Variants in CLOCK observed in about 807,000 individuals in gnomAD.
CLOCK encodes circadian locomoter output cycles protein kaput.
In CLOCK, 43 loss-of-function variants were observed where a neutral mutation model predicts 118.4. The observed-to-expected ratio is 0.36, with a 90% CI of 0.28 to 0.47. The LOEUF (loss-of-function observed/expected upper bound fraction) is 0.47, where lower values mean the gene tolerates loss of function less well. Ranked by LOEUF, CLOCK falls within the 20% of genes least tolerant of loss-of-function variation. The pLI, the probability that CLOCK is intolerant of heterozygous loss-of-function variation, is 1.00. For synonymous variants in CLOCK, 326 were observed against 339.2 expected, an observed-to-expected ratio of 0.96 and a Z score of 0.43; for missense variants, 846 against 999.9, an observed-to-expected ratio of 0.85 and a Z score of 2.08.
chr4:55,475,029 T>C (rs1726407629), intron 7 of CLOCK, among the ~76,000 whole-genome samples: 1 of 152,206 alleles, frequency 6.6e-6, no homozygotes, highest in Non-Finnish European at 1.5e-5. Context: ...CCATAGATAG[T>C]GATTCATGTG....
chr4:55,486,759 T>C (rs1253385136), intron 3 of CLOCK, among the ~76,000 whole-genome samples: 3 of 152,218 alleles, frequency 2.0e-5, no homozygotes, highest in African/African-American at 7.2e-5. Flanking sequence ...CCTTTAGATG[T>C]GACCTGTTAT....
At position 55,432,670 on chromosome 4, in the gene CLOCK, G is replaced by A. The variant is rs774749443; in HGVS notation, c.*2745C>T. 6.6e-6 allele frequency: 1 copy of A among 151,784 alleles called. No homozygotes were observed. The highest frequency in any genetic ancestry group is 1.5e-5 in the Non-Finnish European group (1 of 67,944). 9.4% of individuals were successfully genotyped at this position (151,784 alleles called of 1,614,324 possible). A position where few individuals can be genotyped will look rare whatever the true frequency, so the allele number is the denominator to read the frequency against. ...TTGCAACCCAAATTTAAGAGAATCA[G>A]GAGGAAAACAAAGCAGCAAAGAGGC... is the stretch of plus-strand genomic sequence containing the variant. On this transcript the variant is annotated 3_prime_UTR_variant, in exon 23 of 23. Transcript: ENST00000513440.
chr4:55,480,151 C>T (rs1726817389), intron 4 of CLOCK, among the ~76,000 whole-genome samples: 1 of 152,216 alleles, frequency 6.6e-6, no homozygotes, highest in Admixed American at 6.5e-5. Flanking sequence ...TAATACATTT[C>T]ATTCATTTAC....
intron 3 of CLOCK, among the ~76,000 whole-genome samples, chr4:55,484,436 A>C (rs1036083683): frequency 9.2e-5 from 14 of 152,304 alleles, no homozygotes; most frequent in African/African-American, 3.4e-4. Flanking sequence ...CAGGATGAAA[A>C]GTTGTGATTT....
chr4:55,438,232 T>A (rs929134794), intron 22 of CLOCK, 50 bp downstream of exon 22: 3 of 1,602,402 alleles, frequency 1.9e-6, no homozygotes, highest in Non-Finnish European at 2.6e-6. Context: ...CTTAATTTCA[T>A]TACATGAAAG....
chr4:55,436,245 G>A (rs534982510), intron 22 of CLOCK, among the ~76,000 whole-genome samples: 84 of 152,208 alleles, frequency 5.5e-4, no homozygotes, highest in African/African-American at 2.0e-3. Flanking sequence ...GCAGCCTTAG[G>A]TCCGATAAGC....
intron 1 of CLOCK, among the ~76,000 whole-genome samples, chr4:55,529,341 G>A (rs1381755283): frequency 1.3e-5 from 2 of 151,954 alleles, no homozygotes; most frequent in Non-Finnish European, 2.9e-5. Flanking sequence ...TAATTTTCTT[G>A]TAGAGATGGG....
chr4:55,527,349 T>C (rs988205208), intron 1 of CLOCK, among the ~76,000 whole-genome samples: 1 of 152,302 alleles, frequency 6.6e-6, no homozygotes, highest in South Asian at 2.1e-4. Flanking sequence ...TTCTATATAC[T>C]GTTGTATATG....
intron 2 of CLOCK, among the ~76,000 whole-genome samples, chr4:55,495,535 C>T (rs1004269972): frequency 5.9e-5 from 9 of 152,026 alleles, no homozygotes; most frequent in African/African-American, 2.2e-4. Context: ...CTTTGACTCT[C>T]ATGCCACCAG....
Position 55,542,028 on chromosome 4 carries a change from T to C in CLOCK, c.-290+4754A>G, listed in dbSNP as rs188619152. ...AATTTTCTTATAAAATCTATCATTT[T>C]CCACCTTGTGTTATAATGTCTATGC... On this transcript the variant is annotated intron_variant, in intron 1 of 22. Transcript: ENST00000513440. Among the ~76,000 whole-genome samples the C allele has an allele frequency of 2.5e-3, 358 of 142,642 alleles. 1 individual carries two copies. The highest frequency in any genetic ancestry group is 7.0e-3 in the Middle Eastern group (2 of 284). The allele number at this position is 142,642 out of a possible 152,430, so 93.6% of individuals were successfully genotyped here.
chr4:55,440,033 T>TA (rs914564363), intron 21 of CLOCK, among the ~76,000 whole-genome samples: 49 of 151,342 alleles, frequency 3.2e-4, no homozygotes, highest in African/African-American at 1.1e-3. Context: ...TTTTAATCTA[T>TA]AAAAAAAAAC....
At chr4:55,494,554 G>C (rs906498829) in intron 2 of CLOCK, among the ~76,000 whole-genome samples, 1 of 152,026 alleles carries the variant, frequency 6.6e-6, no homozygotes, top group Non-Finnish European at 1.5e-5. Flanking sequence ...ATGGACCATG[G>C]GGACTCGGGG....
At chr4:55,507,160 A>T (rs1728860010) in intron 2 of CLOCK, among the ~76,000 whole-genome samples, 1 of 152,102 alleles carries the variant, frequency 6.6e-6, no homozygotes, top group African/African-American at 2.4e-5. Context: ...CAAAAAATAA[A>T]CAAAGTTAGC....
intron 3 of CLOCK, among the ~76,000 whole-genome samples, chr4:55,489,097 T>C (rs533521211): frequency 6.6e-6 from 1 of 152,212 alleles, no homozygotes; most frequent in African/African-American, 2.4e-5. Flanking sequence ...TTCTCACTTG[T>C]GTATTATTTG....
rs1432745424 is a variant in CLOCK, at chr4:55,432,940, T to C, written c.*2475A>G. The C allele has an allele frequency of 6.6e-6, 1 of 152,658 alleles. No individual in the cohort carries two copies. 9.5% of individuals were successfully genotyped at this position (152,658 alleles called of 1,614,324 possible). On this transcript the variant is annotated 3_prime_UTR_variant, in exon 23 of 23. Transcript: ENST00000513440. ...AGACGTTTACCTGGGGCTTGTCTTA[T>C]GCTTTGTTGCTGTCAACCTAAGTAG...
chr4:55,455,362 G>C (rs1251331072), intron 13 of CLOCK, among the ~76,000 whole-genome samples: 1 of 152,142 alleles, frequency 6.6e-6, no homozygotes, highest in East Asian at 1.9e-4. Context: ...GATAATAATA[G>C]CATCTACCTT....
intron 1 of CLOCK, among the ~76,000 whole-genome samples, chr4:55,516,319 C>T (rs1729511677): frequency 6.6e-6 from 1 of 152,162 alleles, no homozygotes; most frequent in South Asian, 2.1e-4. Flanking sequence ...ATTATAAGAG[C>T]AGATTAATCT....
chr4:55,533,701 G>C (rs1730700672), intron 1 of CLOCK, among the ~76,000 whole-genome samples: 1 of 152,094 alleles, frequency 6.6e-6, no homozygotes, highest in African/African-American at 2.4e-5. Context: ...TCAAGAGTTT[G>C]AGACCAGCTT....
chr4:55,532,995 T>C (rs2110093168), intron 1 of CLOCK, among the ~76,000 whole-genome samples: 1 of 152,242 alleles, frequency 6.6e-6, no homozygotes, highest in East Asian at 1.9e-4. Flanking sequence ...TGGAAAAACA[T>C]TCCGTGTTTT....
Sources: allele counts gnomAD v4.1 joint callset (sites outside exome capture counted in the v4.1 genomes callset), GRCh38; gene constraint gnomAD v4.1.1; transcripts MANE v1.5; gene names NCBI Gene and HGNC (gene_info 2026-07-23, HGNC 2026-07-21).